The following SIDT1 variants were observed in gnomAD, a reference collection of about 807,000 sequenced individuals.
SIDT1 encodes SID1 transmembrane family member 1, also known as SID1 transmembrane family, member 1.
Under a neutral mutation model 107.5 loss-of-function variants are expected in SIDT1, and 101 were observed. The ratio of observed to expected loss-of-function variants is 0.94; its 90% CI spans 0.80 to 1.11. The LOEUF (loss-of-function observed/expected upper bound fraction) is 1.11. Among genes scored for constraint, SIDT1 ranks in the 50% least tolerant of loss-of-function variants. The pLI is 0.00. For missense variants in SIDT1, 1,076 were observed against 1,058.2 expected (o/e 1.02, Z -0.23); for synonymous variants, 395 against 398.2 (o/e 0.99, Z 0.10).
chr3:113,571,210 C>T (rs1156597823), intron 3 of SIDT1, among the ~76,000 whole-genome samples: 3 of 152,060 alleles, frequency 2.0e-5, no homozygotes, highest in African/African-American at 7.2e-5. Context: ...TGACTTAAGG[C>T]CAGGAGTTCA....
intron 13 of SIDT1, 112 bp downstream of exon 13, chr3:113,604,145 G>T (rs1174611092): frequency 3.0e-6 from 2 of 675,182 alleles, no homozygotes; most frequent in Non-Finnish European, 4.9e-6. Context: ...CACAGGCATA[G>T]GGAATGATGT....
intron 9 of SIDT1, among the ~76,000 whole-genome samples, chr3:113,586,319 C>T (rs1943742300): frequency 1.3e-5 from 2 of 152,030 alleles, no homozygotes; most frequent in South Asian, 4.2e-4. Flanking sequence ...GAAGGAAGGG[C>T]CTAAACACCT....
chr3:113,599,114 G>C (rs1944776623), intron 10 of SIDT1, among the ~76,000 whole-genome samples: 1 of 152,242 alleles, frequency 6.6e-6, no homozygotes, highest in Admixed American at 6.5e-5. Flanking sequence ...GGGCAACAGA[G>C]TGAGACCCAG....
intron 1 of SIDT1, among the ~76,000 whole-genome samples, chr3:113,564,010 A>AT (rs1327223150): frequency 6.6e-6 from 1 of 151,880 alleles, no homozygotes; most frequent in African/African-American, 2.4e-5. Flanking sequence ...ATGCAATGGC[A>AT]TGATCTCAGC....
chr3:113,567,422 T>A (rs889989527), intron 2 of SIDT1, 118 bp from the exon 3 acceptor site: 1 of 779,790 alleles, frequency 1.3e-6, no homozygotes. Flanking sequence ...ATTCAAAACA[T>A]AAGGACCTGA....
chr3:113,624,892 G>GTATTT (rs1479442393), intron 23 of SIDT1, among the ~76,000 whole-genome samples: 2 of 152,156 alleles, frequency 1.3e-5, no homozygotes, highest in Non-Finnish European at 2.9e-5. Flanking sequence ...TGGCTGAATA[G>GTATTT]TATTTTATTG....
chr3:113,576,515 C>G (rs887593529), intron 3 of SIDT1, among the ~76,000 whole-genome samples: 1 of 152,096 alleles, frequency 6.6e-6, no homozygotes, highest in African/African-American at 2.4e-5. Flanking sequence ...TGAAATGTAT[C>G]TACATTATCC....
intron 13 of SIDT1, 77 bp from the exon 14 acceptor site, chr3:113,604,833 A>C: frequency 1.3e-6 from 2 of 1,531,026 alleles, no homozygotes; most frequent in Middle Eastern, 1.7e-4. Flanking sequence ...GGGTGGAAGC[A>C]TTCTTTTAAA....
At chr3:113,619,578 C>G (rs762948348) in intron 20 of SIDT1, 102 bp from the exon 21 acceptor site, 2 of 971,098 alleles carry the variant, frequency 2.1e-6, no homozygotes, top group Non-Finnish European at 3.2e-6. Flanking sequence ...ATTATTTTCA[C>G]CAATGCAATT....
chr3:113,613,655 A>T (rs1270561351), intron 19 of SIDT1, among the ~76,000 whole-genome samples: 2 of 152,254 alleles, frequency 1.3e-5, no homozygotes, highest in Non-Finnish European at 2.9e-5. Context: ...GACAGAAGGT[A>T]AGTGAAGTCA....
intron 2 of SIDT1, 27 bp from the exon 3 acceptor site, chr3:113,567,513 T>A: frequency 2.5e-6 from 4 of 1,573,018 alleles, no homozygotes; most frequent in African/African-American, 1.4e-5. Context: ...CCTTGTTTAT[T>A]TTTTTCCCCT....
rs1650920855 is a variant in SIDT1 at position 113,532,586 on chromosome 3, T to A, written c.-436T>A. On this transcript the variant is annotated 5_prime_UTR_variant, in exon 1 of 25. It removes an upstream start codon present in the reference 5' UTR. Coordinates refer to ENST00000264852, the MANE Select transcript of SIDT1 (RefSeq NM_017699.3). ...GAAACAGACCGAATTTCCTCCTCGA[T>A]GTGGCGTCAGGTTGACTTTTCGAGA... 1 of 157,758 alleles carries A rather than the reference T, an allele frequency of 6.3e-6. No individual in the cohort carries two copies. Among genetic ancestry groups the A allele is most frequent in the African/African-American group, 2.4e-5 (1 of 41,718 alleles). 9.8% of individuals were successfully genotyped at this position (157,758 alleles called of 1,614,324 possible).
Position 113,611,005 on chromosome 3 carries a change from C to G in SIDT1, c.1721-3C>G. The G allele has an allele frequency of 6.2e-7, 1 of 1,613,420 alleles. No homozygotes were observed. Among genetic ancestry groups the G allele is most frequent in the Non-Finnish European group, 8.5e-7 (1 of 1,179,636 alleles). On this transcript the variant is annotated splice_region_variant and splice_polypyrimidine_tract_variant and intron_variant, in intron 17 of 24. Transcript: ENST00000264852. ...TCATCTGGCTCCTCCTTTGGGTCCT[C>G]AGACACCTCCTTCATGTACATGATC... is the stretch of plus-strand genomic sequence containing the variant.
chr3:113,585,046 T>G (rs1381015626), intron 8 of SIDT1, 131 bp from the exon 9 acceptor site: 6 of 700,154 alleles, frequency 8.6e-6, no homozygotes. Context: ...GTAGCAGTTT[T>G]GCTGTGAACA....
Position 113,544,200 on chromosome 3 carries a change from TTTGTTTG to T in SIDT1, c.222+10960_222+10966del, listed in dbSNP as rs1321310279. ...GTTTGTTTGTTTGTTTGTTTGTTTG[TTTGTTTG>T]TTTAAATGGAGTCTCCCTCTGTCGC... On this transcript the variant is annotated intron_variant, in intron 1 of 24. Transcript: ENST00000264852. Among the ~76,000 whole-genome samples the T allele has an allele frequency of 8.5e-4, 89 of 104,674 alleles. 1 individual carries two copies. The highest frequency in any genetic ancestry group is 3.5e-3 in the African/African-American group (79 of 22,482). The allele number at this position is 104,674 out of a possible 152,430, so 68.7% of individuals were successfully genotyped here. A position where few individuals can be genotyped will look rare whatever the true frequency, so the allele number is the denominator to read the frequency against.
intron 1 of SIDT1, among the ~76,000 whole-genome samples, chr3:113,543,343 C>A (rs1163565418): frequency 1.3e-5 from 2 of 152,158 alleles, no homozygotes; most frequent in African/African-American, 4.8e-5. Flanking sequence ...GCCTACAAAA[C>A]CCTCCTCAGT....
intron 1 of SIDT1, among the ~76,000 whole-genome samples, chr3:113,560,877 G>A (rs1941367952): frequency 6.6e-6 from 1 of 152,122 alleles, no homozygotes; most frequent in Admixed American, 6.5e-5. Flanking sequence ...TGAAAAGAGA[G>A]TCTCTAAGCT....
intron 1 of SIDT1, among the ~76,000 whole-genome samples, chr3:113,562,260 T>C (rs931461388): frequency 6.6e-6 from 1 of 152,194 alleles, no homozygotes; most frequent in Non-Finnish European, 1.5e-5. Flanking sequence ...GCTTGCTAGG[T>C]AAATTACTGG....
intron 2 of SIDT1, among the ~76,000 whole-genome samples, chr3:113,567,163 T>C (rs567759312): frequency 6.6e-6 from 1 of 152,362 alleles, no homozygotes; most frequent in Admixed American, 6.5e-5. Flanking sequence ...CAGGGCTTTC[T>C]TTACTCTCTA....
Sources: allele counts gnomAD v4.1 joint callset (sites outside exome capture counted in the v4.1 genomes callset), GRCh38; gene constraint gnomAD v4.1.1; transcripts MANE v1.5; gene names NCBI Gene and HGNC (gene_info 2026-07-23, HGNC 2026-07-21).